The following NCAM1 variants were observed in gnomAD, a reference collection of about 807,000 sequenced individuals.
NCAM1 encodes the protein antigen recognized by monoclonal antibody 5.1H11.
NCAM1 carries 14 observed loss-of-function variants against 109.8 expected under a neutral mutation model. That is an observed-to-expected ratio of 0.13 (90% CI 0.08 to 0.20). NCAM1 has a LOEUF of 0.20. NCAM1 is among the 10% of genes least tolerant of loss of function. NCAM1 has a pLI of 1.00. For missense variants in NCAM1, 774 were observed against 1,109.9 expected, an observed-to-expected ratio of 0.70 and a Z score of 4.30; for synonymous variants, 418 against 442.9, an observed-to-expected ratio of 0.94 and a Z score of 0.70.
chr11:113,072,394 A>G (rs1591301611), intron 1 of NCAM1, among the ~76,000 whole-genome samples: 1 of 152,270 alleles, frequency 6.6e-6, no homozygotes, highest in Non-Finnish European at 1.5e-5. Flanking sequence ...ACAAATGTTT[A>G]TTTTCAGTTG....
At chr11:112,993,272 A>C (rs782012764) in intron 1 of NCAM1, among the ~76,000 whole-genome samples, 14 of 152,152 alleles carry the variant, frequency 9.2e-5, no homozygotes, top group Non-Finnish European at 1.8e-4. Context: ...CAAAAAGGGT[A>C]CAGGCATATC....
chr11:113,220,666 G>A (rs1944667427), intron 8 of NCAM1, among the ~76,000 whole-genome samples: 2 of 139,450 alleles, frequency 1.4e-5, no homozygotes, highest in African/African-American at 2.8e-5. Context: ...GGAGTGCAGT[G>A]GTGCGATCTC....
chr11:113,259,529 G>A (rs1945924622), intron 16 of NCAM1, among the ~76,000 whole-genome samples: 1 of 152,168 alleles, frequency 6.6e-6, no homozygotes. Context: ...CTGGGAGACA[G>A]GAGTGGTGCT....
chr11:113,199,833 A>G lies in NCAM1; in HGVS notation c.53-2546A>G, dbSNP rs1032469030. ...ATAAAGTAAAAGAAACACCCTTAAA[A>G]AAAAAAAAAAAAAAAACTTCTGTGA... On this transcript the variant is annotated intron_variant, in intron 1 of 19. Coordinates refer to ENST00000316851, the MANE Select transcript of NCAM1 (RefSeq NM_181351.5). Among the ~76,000 whole-genome samples, 307 of 149,954 alleles carry G rather than the reference A, an allele frequency of 2.0e-3. 4 individuals are homozygous for G. Among genetic ancestry groups the G allele is most frequent in the African/African-American group, 7.3e-3 (293 of 40,186 alleles).
chr11:113,198,239 T>C (rs1280318414), intron 1 of NCAM1, among the ~76,000 whole-genome samples: 1 of 152,162 alleles, frequency 6.6e-6, no homozygotes, highest in African/African-American at 2.4e-5. Flanking sequence ...GACCCTATCA[T>C]TATCATCACT....
intron 1 of NCAM1, among the ~76,000 whole-genome samples, chr11:113,049,870 G>T (rs577794068): frequency 6.6e-6 from 1 of 152,314 alleles, no homozygotes; most frequent in South Asian, 2.1e-4. Context: ...TGGCATGGCT[G>T]AAGCAGGTGT....
At chr11:112,969,701 A>G (rs1223921610) in intron 1 of NCAM1, among the ~76,000 whole-genome samples, 3 of 152,234 alleles carry the variant, frequency 2.0e-5, no homozygotes, top group Non-Finnish European at 4.4e-5. Flanking sequence ...CCCTGTGGTC[A>G]GATATTTTAT....
At chr11:113,175,568 C>T (rs1381230552) in intron 1 of NCAM1, among the ~76,000 whole-genome samples, 3 of 152,266 alleles carry the variant, frequency 2.0e-5, no homozygotes, top group East Asian at 3.9e-4. Context: ...TAGATCAAGG[C>T]CTAGCCTAAG....
intron 1 of NCAM1, among the ~76,000 whole-genome samples, chr11:113,002,533 A>G (rs1951782488): frequency 5.3e-5 from 8 of 152,190 alleles, no homozygotes; most frequent in Admixed American, 5.2e-4. Flanking sequence ...GAAGATTAGA[A>G]TCTGTGTTCT....
At position 113,022,299 on chromosome 11, in the gene NCAM1, A is replaced by G. The variant is rs557482496; in HGVS notation, c.52+60635A>G. On this transcript the variant is annotated intron_variant, in intron 1 of 19. Coordinates refer to ENST00000316851, the MANE Select transcript of NCAM1 (RefSeq NM_181351.5). ...TTTTGCTTGTTTATGACTCTAGGGAAGAGGATAATACATTTCTGAACAGCA... is the reference window on the plus strand; with the variant it reads ...TTTTGCTTGTTTATGACTCTAGGGAGGAGGATAATACATTTCTGAACAGCA... 2.0e-5 allele frequency among the ~76,000 whole-genome samples: 3 copies of G among 152,328 alleles called. No homozygotes were observed. The South Asian group carries it at 6.2e-4, about 32-fold the overall frequency.
At chr11:113,121,225 C>CTTTTTTTTTT (rs3051885) in intron 1 of NCAM1, among the ~76,000 whole-genome samples, 1 of 125,310 alleles carries the variant, frequency 8.0e-6, no homozygotes, top group Non-Finnish European at 1.6e-5. Context: ...CAACACCAAT[C>CTTTTTTTTTT]TTTTTTTTTT....
intron 17 of NCAM1, 198 bp downstream of exon 17, chr11:113,260,521 G>A (rs1945961272): frequency 3.6e-6 from 2 of 561,178 alleles, no homozygotes; most frequent in South Asian, 2.6e-5. Flanking sequence ...AGGAAGGCTT[G>A]GCCAAGCATC....
At chr11:113,007,853 T>C (rs757751934) in intron 1 of NCAM1, among the ~76,000 whole-genome samples, 57 of 152,174 alleles carry the variant, frequency 3.7e-4, no homozygotes, top group Non-Finnish European at 6.8e-4. Context: ...TAATTCAAAG[T>C]TGGATTCTGA....
At chr11:113,199,597 G>A (rs1272527938) in intron 1 of NCAM1, among the ~76,000 whole-genome samples, 2 of 147,636 alleles carry the variant, frequency 1.4e-5, no homozygotes, top group African/African-American at 2.5e-5. Context: ...AAACTTCTGT[G>A]ATGGGAAGGG....
At chr11:112,994,887 T>C (rs576703235) in intron 1 of NCAM1, among the ~76,000 whole-genome samples, 2 of 152,240 alleles carry the variant, frequency 1.3e-5, no homozygotes, top group South Asian at 4.1e-4. Flanking sequence ...CTTGTGTGCT[T>C]GTATGTTATC....
At chr11:113,131,361 A>T (rs1555098272) in intron 1 of NCAM1, among the ~76,000 whole-genome samples, 1 of 152,086 alleles carries the variant, frequency 6.6e-6, no homozygotes, top group East Asian at 1.9e-4. Context: ...ACCCCAAAAG[A>T]TAGTCTGCTG....
At chr11:113,070,760 A>G (rs986482859) in intron 1 of NCAM1, among the ~76,000 whole-genome samples, 1 of 152,200 alleles carries the variant, frequency 6.6e-6, no homozygotes, top group Admixed American at 6.5e-5. Context: ...TATACTCACT[A>G]TAAAGGAAAA....
At chr11:113,039,510 T>C (rs1258754575) in intron 1 of NCAM1, among the ~76,000 whole-genome samples, 1 of 152,190 alleles carries the variant, frequency 6.6e-6, no homozygotes, top group Non-Finnish European at 1.5e-5. Context: ...ACCAGACAAG[T>C]TGTACAATTT....
At chr11:113,084,712 T>C (rs1359958380) in intron 1 of NCAM1, among the ~76,000 whole-genome samples, 3 of 152,154 alleles carry the variant, frequency 2.0e-5, no homozygotes, top group African/African-American at 4.8e-5. Flanking sequence ...CTTTGGTGAT[T>C]TTAGAGACAG....
Sources: gnomAD v4.1 joint callset for allele counts (sites outside exome capture counted in the v4.1 genomes callset) on GRCh38, gnomAD v4.1.1 for gene constraint, MANE v1.5 for transcripts, NCBI Gene and HGNC (gene_info 2026-07-23, HGNC 2026-07-21) for gene names.